The following BIRC6 variants were observed in gnomAD, a reference collection of about 807,000 sequenced individuals.
The protein encoded by BIRC6 is dual E2 ubiquitin-conjugating enzyme/E3 ubiquitin-protein ligase BIRC6.
In BIRC6, 98 loss-of-function variants were observed where a neutral mutation model predicts 503.3. The observed-to-expected ratio is 0.19, with a 90% CI of 0.17 to 0.23. The LOEUF is 0.23. BIRC6 is among the 10% of genes least tolerant of loss of function. The pLI is 1.00. For synonymous variants in BIRC6, 2,240 were observed against 2,078.7 expected, an observed-to-expected ratio of 1.08 and a Z score of -2.11; for missense variants, 5,360 against 5,806.0, an observed-to-expected ratio of 0.92 and a Z score of 2.50.
intron 46 of BIRC6, among the ~76,000 whole-genome samples, chr2:32,500,601 T>G (rs1316149963): frequency 4.7e-5 from 5 of 106,712 alleles, no homozygotes; most frequent in African/African-American, 1.5e-4. Flanking sequence ...TTTGTTTTTG[T>G]TTTTGTTTTT....
In BIRC6 at chr2:32,441,494, C is replaced by A. The variant is rs1228162909; in HGVS notation, c.3944+32C>A. 2.5e-6 allele frequency: 4 copies of A among 1,580,622 alleles called. No homozygotes were observed. The African/African-American group carries it at 4.1e-5, about 16-fold the overall frequency. ...TCATTGCATTATCTTGTTATTCTTA[C>A]AGTAATGAAAGTGCAGAGCATAACA... On this transcript the variant is annotated intron_variant, in intron 17 of 73. Coordinates refer to ENST00000421745, the MANE Select transcript of BIRC6 (RefSeq NM_016252.4).
chr2:32,478,570 C>T, intron 35 of BIRC6, 65 bp from the exon 36 acceptor site: 1 of 1,405,652 alleles, frequency 7.1e-7, no homozygotes, highest in Non-Finnish European at 9.8e-7. Flanking sequence ...TGGTAGACTT[C>T]TGTTAGTGTT....
At chr2:32,407,971 C>G (rs889302673) in intron 9 of BIRC6, among the ~76,000 whole-genome samples, 2 of 150,952 alleles carry the variant, frequency 1.3e-5, no homozygotes, top group African/African-American at 4.9e-5. Context: ...TTGTTTCTTT[C>G]TTTCTTTTTT....
chr2:32,567,222 G>A (rs1011787837), intron 65 of BIRC6, among the ~76,000 whole-genome samples: 1 of 151,926 alleles, frequency 6.6e-6, no homozygotes, highest in East Asian at 1.9e-4. Flanking sequence ...CACCTGCCTC[G>A]GCCTCCCACA....
chr2:32,401,087 C>A, intron 6 of BIRC6, 76 bp from the exon 7 acceptor site: 2 of 1,237,612 alleles, frequency 1.6e-6, no homozygotes. Context: ...AGATGATGAT[C>A]CTGGAGTTCT....
intron 73 of BIRC6, among the ~76,000 whole-genome samples, chr2:32,613,578 A>G (rs1376068047): frequency 6.6e-6 from 1 of 151,858 alleles, no homozygotes; most frequent in Non-Finnish European, 1.5e-5. Context: ...ACGGGGTTTC[A>G]CCATGTTGGC....
At chr2:32,475,545 A>G (rs2049655617) in intron 33 of BIRC6, among the ~76,000 whole-genome samples, 1 of 152,218 alleles carries the variant, frequency 6.6e-6, no homozygotes, top group African/African-American at 2.4e-5. Flanking sequence ...ACACATGTAG[A>G]AGTGTATCCA....
At chr2:32,413,568 C>A (rs1310770547) in intron 9 of BIRC6, among the ~76,000 whole-genome samples, 2 of 152,066 alleles carry the variant, frequency 1.3e-5, no homozygotes, top group African/African-American at 4.8e-5. Flanking sequence ...ATCTGCCTAC[C>A]TCAACCTCCC....
Position 32,468,370 on chromosome 2 carries a change from A to G in BIRC6, c.5781-67A>G, listed in dbSNP as rs982659446. The G allele has an allele frequency of 1.2e-5, 15 of 1,293,290 alleles. No individual in the cohort carries two copies. In the African/African-American group the frequency reaches 2.1e-4, roughly 18 times the overall value. 80.1% of individuals were successfully genotyped at this position (1,293,290 alleles called of 1,614,324 possible). On this transcript the variant is annotated intron_variant, in intron 28 of 73. Transcript: ENST00000421745. Reference sequence around the variant, plus strand: ...AACAGGTTTAAGAGATTTAATTCTTAGTATTTGTACATGTACATAAAGAGG... The same window carrying G: ...AACAGGTTTAAGAGATTTAATTCTTGGTATTTGTACATGTACATAAAGAGG...
chr2:32,568,176 G>A (rs1237988440), intron 65 of BIRC6, among the ~76,000 whole-genome samples: 1 of 150,928 alleles, frequency 6.6e-6, no homozygotes, highest in Non-Finnish European at 1.5e-5. Flanking sequence ...GCCTTAAAAG[G>A]TAAGTTTTAT....
intron 57 of BIRC6, among the ~76,000 whole-genome samples, chr2:32,524,599 C>T (rs2056092679): frequency 6.6e-6 from 1 of 152,172 alleles, no homozygotes; most frequent in African/African-American, 2.4e-5. Flanking sequence ...TTTCATGCTA[C>T]TGGTTTTTCA....
At chr2:32,567,790 T>A (rs959162224) in intron 65 of BIRC6, among the ~76,000 whole-genome samples, 4 of 152,012 alleles carry the variant, frequency 2.6e-5, no homozygotes, top group Non-Finnish European at 5.9e-5. Context: ...TATACCAAAA[T>A]GATGTACCAG....
chr2:32,428,537 G>A (rs2043771477), intron 10 of BIRC6, among the ~76,000 whole-genome samples: 1 of 152,188 alleles, frequency 6.6e-6, no homozygotes, highest in South Asian at 2.1e-4. Flanking sequence ...TGCCTTTCAG[G>A]AAGGGGATTT....
At chr2:32,613,186 GGTTT>G (rs141023018) in intron 73 of BIRC6, among the ~76,000 whole-genome samples, 9,551 of 150,906 alleles carry the variant, frequency 0.063, 416 homozygotes, top group Non-Finnish European at 0.098. Context: ...TGCCTTGACT[GGTTT>G]GTTTGTTTGT....
At chr2:32,443,765 G>A (rs1021471716) in intron 20 of BIRC6, among the ~76,000 whole-genome samples, 177 bp downstream of exon 20, 3 of 152,184 alleles carry the variant, frequency 2.0e-5, no homozygotes, top group Admixed American at 2.0e-4. Context: ...TCCGTCAATA[G>A]TACTCCAAGG....
intron 66 of BIRC6, among the ~76,000 whole-genome samples, chr2:32,579,831 C>T (rs1259540466): frequency 1.3e-5 from 2 of 151,270 alleles, no homozygotes; most frequent in East Asian, 3.9e-4. Context: ...GGCCTGGTCA[C>T]AAAATCATTA....
intron 22 of BIRC6, among the ~76,000 whole-genome samples, chr2:32,451,010 A>T (rs139680114): frequency 6.6e-6 from 1 of 152,170 alleles, no homozygotes; most frequent in Non-Finnish European, 1.5e-5. Flanking sequence ...AGCTGAGTGT[A>T]TGTCAAGTTT....
intron 45 of BIRC6, among the ~76,000 whole-genome samples, chr2:32,497,256 A>T (rs1297838578): frequency 6.6e-6 from 1 of 152,218 alleles, no homozygotes; most frequent in Admixed American, 6.5e-5. Context: ...GCAGGCTTTC[A>T]GTCTCATTCT....
chr2:32,513,256 A>G (rs1345927780), intron 54 of BIRC6, 102 bp downstream of exon 54: 4 of 788,614 alleles, frequency 5.1e-6, no homozygotes, highest in Admixed American at 2.9e-5. Flanking sequence ...GAGAAACATA[A>G]TATTTTGAAA....
Sources: allele counts gnomAD v4.1 joint callset (sites outside exome capture counted in the v4.1 genomes callset), GRCh38; gene constraint gnomAD v4.1.1; transcripts MANE v1.5; gene names NCBI Gene and HGNC (gene_info 2026-07-23, HGNC 2026-07-21).